The following RANBP3L variants were observed in gnomAD, a reference collection of about 807,000 sequenced individuals.
RANBP3L encodes RAN binding protein 3 like, also known as ran-binding protein 3-like.
Under a neutral mutation model 67.2 loss-of-function variants are expected in RANBP3L, and 56 were observed. The ratio of observed to expected loss-of-function variants is 0.83; its 90% confidence interval spans 0.67 to 1.04. The LOEUF (loss-of-function observed/expected upper bound fraction) is 1.04. Among genes scored for constraint, RANBP3L ranks in the 50% least tolerant of loss-of-function variants. RANBP3L has a pLI of 0.00. For synonymous variants in RANBP3L, 164 were observed against 181.4 expected (o/e 0.90, Z 0.77); for missense variants, 496 against 535.5 (o/e 0.93, Z 0.73).
intron 1 of RANBP3L, among the ~76,000 whole-genome samples, chr5:36,283,908 C>G (rs1751151298): frequency 6.6e-6 from 1 of 152,014 alleles, no homozygotes; most frequent in Non-Finnish European, 1.5e-5. Context: ...CCCATCCTGC[C>G]ACGATACAGG....
rs775824782 is a variant in RANBP3L at position 36,253,830 on chromosome 5, G to A, written c.1025-41C>T. 3 of 1,575,054 alleles carry A rather than the reference G, an allele frequency of 1.9e-6. No homozygotes were observed. The Admixed American group carries it at 5.7e-5, about 30-fold the overall frequency. On this transcript the variant is annotated intron_variant, in intron 11 of 13. Coordinates refer to ENST00000296604, the MANE Select transcript of RANBP3L (RefSeq NM_145000.5). ...GACTACATCAGGCCACAGAACAGTT[G>A]ACACGGAGGAATTTACCATTTTCAA...
At chr5:36,276,798 C>A (rs972989001) in intron 1 of RANBP3L, among the ~76,000 whole-genome samples, 2 of 152,072 alleles carry the variant, frequency 1.3e-5, no homozygotes, top group African/African-American at 2.4e-5. Flanking sequence ...AAGAAGATGT[C>A]AAAGATAGAG....
intron 1 of RANBP3L, among the ~76,000 whole-genome samples, chr5:36,274,275 A>G (rs1226825164): frequency 6.6e-6 from 1 of 152,216 alleles, no homozygotes; most frequent in Non-Finnish European, 1.5e-5. Context: ...GAGGAGAAAC[A>G]GAACTAAGTA....
At chr5:36,277,072 G>T (rs913711703) in intron 1 of RANBP3L, among the ~76,000 whole-genome samples, 1 of 152,232 alleles carries the variant, frequency 6.6e-6, no homozygotes, top group Non-Finnish European at 1.5e-5. Context: ...CCCCTGCAGA[G>T]GGGCAGGCAC....
At chr5:36,279,102 T>A (rs1750798406) in intron 1 of RANBP3L, among the ~76,000 whole-genome samples, 1 of 151,968 alleles carries the variant, frequency 6.6e-6, no homozygotes, top group Non-Finnish European at 1.5e-5. Context: ...TAGCAGGGGA[T>A]CTCAATCTCT....
rs760882149 is a variant in RANBP3L, at chr5:36,261,997, C to T, written c.526G>A (p.Ala176Thr). The T allele has an allele frequency of 1.9e-6, 3 of 1,606,076 alleles. No individual in the cohort carries two copies. The highest frequency in any genetic ancestry group is 1.1e-5 in the South Asian group (1 of 90,396). ...GTAGACAGCTGGACTGAAATTCTAGCCCTTGATAAATTTTCACTTAACAAA... is the reference window on the plus strand; with the variant it reads ...GTAGACAGCTGGACTGAAATTCTAGTCCTTGATAAATTTTCACTTAACAAA... The part of the protein sequence containing the change: ...SYLLSENLSR[A>T]RISVQLSTNQ... The change falls in exon 7 of 14, where the codon GCT becomes ACT. Residue 176 changes from alanine (A) to threonine (T), a missense_variant. By Grantham distance (58) the Ala-to-Thr change is moderately conservative. Coordinates refer to ENST00000296604, the MANE Select transcript of RANBP3L (RefSeq NM_145000.5).
intron 1 of RANBP3L, among the ~76,000 whole-genome samples, chr5:36,280,418 CTG>C (rs1451040979): frequency 6.6e-6 from 1 of 152,154 alleles, no homozygotes; most frequent in Non-Finnish European, 1.5e-5. Flanking sequence ...ATTTAAGAAA[CTG>C]GGGATCTTCA....
intron 1 of RANBP3L, among the ~76,000 whole-genome samples, chr5:36,272,307 C>A (rs1750274978): frequency 6.6e-6 from 1 of 152,182 alleles, no homozygotes; most frequent in Non-Finnish European, 1.5e-5. Context: ...TAAATGATGA[C>A]AACACATTCT....
intron 2 of RANBP3L, among the ~76,000 whole-genome samples, chr5:36,271,043 T>A (rs568208827): frequency 6.6e-6 from 1 of 152,298 alleles, no homozygotes; most frequent in South Asian, 2.1e-4. Context: ...CAGTATGTTA[T>A]CCATAGCTGC....
chr5:36,268,411 T>C (rs981046346), intron 4 of RANBP3L: 33 of 531,872 alleles, frequency 6.2e-5, no homozygotes, highest in Non-Finnish European at 1.0e-4. Context: ...TGAGTACATC[T>C]GATGAAGATG....
chr5:36,261,255 T>C (rs1031865385), intron 7 of RANBP3L, among the ~76,000 whole-genome samples: 1 of 152,222 alleles, frequency 6.6e-6, no homozygotes, highest in Non-Finnish European at 1.5e-5. Flanking sequence ...AGCGAAACCC[T>C]GTCTGTTATA....
chr5:36,290,986 C>T (rs1445404833), intron 1 of RANBP3L, among the ~76,000 whole-genome samples: 1 of 150,452 alleles, frequency 6.6e-6, no homozygotes, highest in African/African-American at 2.4e-5. Flanking sequence ...CCTCATGATC[C>T]ACCTGCCTCA....
chr5:36,270,009 A>T lies in RANBP3L; in HGVS notation c.151-19T>A. On this transcript the variant is annotated intron_variant, in intron 2 of 13. Coordinates refer to ENST00000296604, the MANE Select transcript of RANBP3L (RefSeq NM_145000.5). ...CAGGTCTCTGAAAGGAAACAAAACC[A>T]CTGAGGAGAGCTGAGTATTTGCCTT... 6.2e-7 allele frequency: 1 copy of T among 1,609,220 alleles called. No individual in the cohort carries two copies. The highest frequency in any genetic ancestry group is 8.5e-7 in the Non-Finnish European group (1 of 1,175,528).
chr5:36,277,466 G>C (rs1474655654), intron 1 of RANBP3L, among the ~76,000 whole-genome samples: 1 of 150,008 alleles, frequency 6.7e-6, no homozygotes, highest in Admixed American at 6.7e-5. Flanking sequence ...GTGTGTGTGT[G>C]TGTGTGTGTG....
chr5:36,300,246 T>C (rs1752521458), intron 1 of RANBP3L, among the ~76,000 whole-genome samples: 1 of 152,198 alleles, frequency 6.6e-6, no homozygotes, highest in Non-Finnish European at 1.5e-5. Flanking sequence ...CAAAATTTAT[T>C]TGAGCACTAG....
chr5:36,251,469 C>T lies in RANBP3L; in HGVS notation c.1198G>A (p.Ala400Thr). 1.2e-6 allele frequency: 2 copies of T among 1,612,030 alleles called. No individual in the cohort carries two copies. Among genetic ancestry groups the T allele is most frequent in the Non-Finnish European group, 1.7e-6 (2 of 1,178,852 alleles). ...GCAACAAGACGATGATGTATTGCTGCATACAAATATGCTGTATCTTGGGCA... is the reference window on the plus strand; with the variant it reads ...GCAACAAGACGATGATGTATTGCTGTATACAAATATGCTGTATCTTGGGCA... ...ASAQDTAYLY[A>T]AIHHRLVALQ... is the part of the protein sequence containing the mutation. The change falls in exon 13 of 14, where the codon GCA becomes ACA. Residue 400 changes from alanine to threonine, a missense_variant. Coordinates refer to ENST00000296604, the MANE Select transcript of RANBP3L (RefSeq NM_145000.5).
At chr5:36,267,319 C>T (rs907341398) in intron 4 of RANBP3L, among the ~76,000 whole-genome samples, 13 of 152,050 alleles carry the variant, frequency 8.5e-5, no homozygotes, top group Middle Eastern at 3.4e-3. Flanking sequence ...CCATCCTGGC[C>T]GAAATGGTGA....
At chr5:36,276,594 T>A (rs994867603) in intron 1 of RANBP3L, among the ~76,000 whole-genome samples, 1 of 152,186 alleles carries the variant, frequency 6.6e-6, no homozygotes. Flanking sequence ...AATAAACTTT[T>A]TTTTTCTATT....
At chr5:36,250,181 G>T (rs1009134061) in intron 13 of RANBP3L, among the ~76,000 whole-genome samples, 3 of 151,870 alleles carry the variant, frequency 2.0e-5, no homozygotes, top group African/African-American at 7.2e-5. Flanking sequence ...AATTGACATT[G>T]TTAATGTGTA....
Sources: allele counts gnomAD v4.1 joint callset (sites outside exome capture counted in the v4.1 genomes callset), GRCh38; gene constraint gnomAD v4.1.1; transcripts MANE v1.5; gene names NCBI Gene and HGNC (gene_info 2026-07-23, HGNC 2026-07-21).